Variants in PCSK2 observed in about 807,000 individuals in gnomAD.
PCSK2 encodes proprotein convertase subtilisin/kexin type 2, also known as neuroendocrine convertase 2.
A neutral mutation model predicts 69.7 loss-of-function variants in PCSK2; 14 were observed. The ratio of observed to expected loss-of-function variants is 0.20; its 90% CI spans 0.13 to 0.31. The LOEUF is 0.31. PCSK2 is among the 10% of genes least tolerant of loss of function. The pLI is 1.00. For missense variants in PCSK2, 544 were observed against 842.5 expected, an observed-to-expected ratio of 0.65 and a Z score of 4.39; for synonymous variants, 307 against 320.7, an observed-to-expected ratio of 0.96 and a Z score of 0.46.
rs2029891098 is a variant in PCSK2 at position 17,348,932 on chromosome 20, C to T, written c.283-9395C>T. Among the ~76,000 whole-genome samples, 4 of 152,196 alleles carry T rather than the reference C, an allele frequency of 2.6e-5. No homozygotes were observed. In the South Asian group the frequency reaches 8.3e-4, roughly 32 times the overall value. ...AGAGGGAAGAGAGTCCAGCCCACAA[C>T]AGGCATGACCCGTGGCTCTGCCCTT... On this transcript the variant is annotated intron_variant, in intron 2 of 11. Transcript: ENST00000262545.
chr20:17,386,344 T>A (rs2123262523), intron 5 of PCSK2, among the ~76,000 whole-genome samples: 1 of 152,262 alleles, frequency 6.6e-6, no homozygotes, highest in Non-Finnish European at 1.5e-5. Flanking sequence ...AACCCAAATA[T>A]CAATCAATCA....
At chr20:17,244,187 T>C (rs1261488067) in intron 1 of PCSK2, among the ~76,000 whole-genome samples, 3 of 152,166 alleles carry the variant, frequency 2.0e-5, no homozygotes, top group African/African-American at 7.2e-5. Context: ...ATGTTAACAA[T>C]TGGGGACTCT....
chr20:17,448,741 G>T (rs2032746361), intron 8 of PCSK2, among the ~76,000 whole-genome samples: 1 of 152,138 alleles, frequency 6.6e-6, no homozygotes, highest in Admixed American at 6.5e-5. Context: ...TTGAGAACCA[G>T]GGTGGTTAAG....
At chr20:17,346,329 G>A (rs979299243) in intron 2 of PCSK2, among the ~76,000 whole-genome samples, 1 of 152,154 alleles carries the variant, frequency 6.6e-6, no homozygotes, top group Non-Finnish European at 1.5e-5. Flanking sequence ...GTAGTGCTGA[G>A]TGCACTGGTC....
intron 5 of PCSK2, among the ~76,000 whole-genome samples, chr20:17,407,923 G>T (rs997390527): frequency 6.6e-6 from 1 of 152,130 alleles, no homozygotes; most frequent in Non-Finnish European, 1.5e-5. Context: ...AAATAAATTA[G>T]CATTACAACT....
At chr20:17,253,452 T>A (rs1168931003) in intron 1 of PCSK2, among the ~76,000 whole-genome samples, 1 of 152,204 alleles carries the variant, frequency 6.6e-6, no homozygotes, top group Non-Finnish European at 1.5e-5. Flanking sequence ...TATAAAGAAG[T>A]GATACAATAT....
At position 17,380,054 on chromosome 20, in the gene PCSK2, G is replaced by A. The variant is rs1326006803; in HGVS notation, c.543+10777G>A. ...GAATGAACTTGAAAGAGGACCCCAA[G>A]CCCTAGATGAGACAGCTCCAGTGAC... On this transcript the variant is annotated intron_variant, in intron 5 of 11. Coordinates refer to ENST00000262545, the MANE Select transcript of PCSK2 (RefSeq NM_002594.5). Among the ~76,000 whole-genome samples, 3 of 152,186 alleles carry A rather than the reference G, an allele frequency of 2.0e-5. No individual in the cohort carries two copies. The East Asian group carries it at 5.8e-4, about 29-fold the overall frequency.
At chr20:17,362,782 T>C (rs1600522395) in intron 4 of PCSK2, among the ~76,000 whole-genome samples, 1 of 152,352 alleles carries the variant, frequency 6.6e-6, no homozygotes, top group South Asian at 2.1e-4. Flanking sequence ...TCTGAATTTG[T>C]GGCCATTTTT....
At chr20:17,429,671 G>A in intron 7 of PCSK2, 148 bp downstream of exon 7, 2 of 529,102 alleles carry the variant, frequency 3.8e-6, no homozygotes, top group Non-Finnish European at 6.8e-6. Flanking sequence ...CTTTTAACCT[G>A]CATAACAATA....
intron 2 of PCSK2, among the ~76,000 whole-genome samples, chr20:17,319,680 T>C (rs1162986243): frequency 1.3e-5 from 2 of 151,016 alleles, no homozygotes; most frequent in Non-Finnish European, 2.9e-5. Context: ...GGGTGAACAC[T>C]GGGAGGGGGG....
chr20:17,359,341 G>T (rs965346940), intron 3 of PCSK2, among the ~76,000 whole-genome samples: 6 of 152,096 alleles, frequency 3.9e-5, no homozygotes, highest in African/African-American at 1.4e-4. Flanking sequence ...TATTAGTTAG[G>T]ATAGGCTAGG....
At chr20:17,335,821 TA>T (rs542788796) in intron 2 of PCSK2, among the ~76,000 whole-genome samples, 11 of 151,672 alleles carry the variant, frequency 7.3e-5, no homozygotes, top group African/African-American at 2.7e-4. Flanking sequence ...CAAATGCCAT[TA>T]TTTTTTTCCT....
intron 11 of PCSK2, among the ~76,000 whole-genome samples, chr20:17,480,571 C>T (rs573554480): frequency 6.6e-6 from 1 of 152,312 alleles, no homozygotes; most frequent in African/African-American, 2.4e-5. Context: ...GAAAGAAAGA[C>T]ATTATGAGTT....
chr20:17,226,656 A>G (rs1310188931), upstream of PCSK2, among the ~76,000 whole-genome samples: 1 of 151,830 alleles, frequency 6.6e-6, no homozygotes, highest in South Asian at 2.1e-4. Flanking sequence ...TTCCCTTCCC[A>G]GAGCCTACAG....
intron 2 of PCSK2, among the ~76,000 whole-genome samples, chr20:17,352,912 A>G (rs2123199093): frequency 6.6e-6 from 1 of 152,348 alleles, no homozygotes; most frequent in Admixed American, 6.5e-5. Context: ...GGCAACCTAG[A>G]GAATGGGAGA....
chr20:17,455,269 T>C (rs2123384385), intron 9 of PCSK2, among the ~76,000 whole-genome samples: 1 of 152,228 alleles, frequency 6.6e-6, no homozygotes, highest in East Asian at 1.9e-4. Flanking sequence ...TCCCTGGTAA[T>C]TTCTTCCTCA....
At chr20:17,324,546 A>G (rs1989982531) in intron 2 of PCSK2, among the ~76,000 whole-genome samples, 1 of 152,130 alleles carries the variant, frequency 6.6e-6, no homozygotes, top group Non-Finnish European at 1.5e-5. Context: ...GCCCTACCAT[A>G]AGAACCATCG....
intron 6 of PCSK2, among the ~76,000 whole-genome samples, chr20:17,412,717 G>A (rs1287961945): frequency 3.9e-5 from 6 of 152,232 alleles, no homozygotes; most frequent in South Asian, 4.1e-4. Flanking sequence ...GGAACTCCAA[G>A]ACACATACTT....
chr20:17,473,442 G>A (rs2033240105), intron 11 of PCSK2, among the ~76,000 whole-genome samples: 1 of 152,170 alleles, frequency 6.6e-6, no homozygotes, highest in Admixed American at 6.5e-5. Context: ...CAGCAAATGA[G>A]CTCCAGATCA....
Sources: gnomAD v4.1 joint callset for allele counts (sites outside exome capture counted in the v4.1 genomes callset) on GRCh38, gnomAD v4.1.1 for gene constraint, MANE v1.5 for transcripts, NCBI Gene and HGNC (gene_info 2026-07-23, HGNC 2026-07-21) for gene names.